The following ANK3 variants were observed in gnomAD, a reference collection of about 807,000 sequenced individuals.
The protein encoded by ANK3 is ankyrin 3.
Under a neutral mutation model 370.9 loss-of-function variants are expected in ANK3, and 57 were observed. The ratio of observed to expected loss-of-function variants is 0.15; its 90% CI spans 0.12 to 0.19. The LOEUF (loss-of-function observed/expected upper bound fraction) is 0.19, where lower values mean the gene tolerates loss of function less well. Ranked by LOEUF, ANK3 falls within the 10% of genes least tolerant of loss-of-function variation. The pLI is 1.00. For missense variants in ANK3, 4,439 were observed against 5,302.1 expected (o/e 0.84, Z 5.06); for synonymous variants, 1,929 against 1,946.3 (o/e 0.99, Z 0.23).
At chr10:60,313,567 A>G (rs1344776958) in intron 1 of ANK3, among the ~76,000 whole-genome samples, 2 of 152,088 alleles carry the variant, frequency 1.3e-5, no homozygotes, top group South Asian at 2.1e-4. Flanking sequence ...TCAGTCATCA[A>G]TCACTCTATT....
intron 1 of ANK3, among the ~76,000 whole-genome samples, chr10:60,661,917 AC>A (rs1187314693): frequency 6.6e-6 from 1 of 152,068 alleles, no homozygotes; most frequent in Admixed American, 6.6e-5. Context: ...CATCCCCCAA[AC>A]AAAGCCAGAC....
At chr10:60,179,593 G>T (rs555535862) in intron 18 of ANK3, among the ~76,000 whole-genome samples, 1 of 152,222 alleles carries the variant, frequency 6.6e-6, no homozygotes, top group East Asian at 1.9e-4. Context: ...TACTCAGGAG[G>T]CTGAGGTGGG....
At chr10:60,281,639 T>A (rs558810343) in intron 1 of ANK3, among the ~76,000 whole-genome samples, 2 of 152,202 alleles carry the variant, frequency 1.3e-5, no homozygotes, top group Non-Finnish European at 2.9e-5. Flanking sequence ...AAGTTTTTTG[T>A]GAATGAATGC....
chr10:60,457,024 G>A (rs1427663275), intron 2 of ANK3, among the ~76,000 whole-genome samples: 1 of 152,082 alleles, frequency 6.6e-6, no homozygotes, highest in Non-Finnish European at 1.5e-5. Flanking sequence ...TCAAACATTG[G>A]TGGGTCTCCA....
intron 28 of ANK3, among the ~76,000 whole-genome samples, chr10:60,099,431 A>G (rs77976178): frequency 0.011 from 1,750 of 152,294 alleles, 24 homozygotes; most frequent in African/African-American, 0.038. Context: ...ATCAAAGTTC[A>G]AAGTTGCAGT....
Position 60,196,722 on chromosome 10 carries a change from T to C in ANK3, c.1690-97A>G, listed in dbSNP as rs907345622. The C allele has an allele frequency of 4.1e-6, 3 of 736,896 alleles. No individual in the cohort carries two copies. The African/African-American group carries it at 5.4e-5, about 13-fold the overall frequency. 45.6% of individuals were successfully genotyped at this position (736,896 alleles called of 1,614,324 possible). A position where few individuals can be genotyped will look rare whatever the true frequency, so the allele number is the denominator to read the frequency against. ...CAAACAACAAACAAACAAAAAGATA[T>C]GACATAAGGGCACTGCTTTCCAGAA... On this transcript the variant is annotated intron_variant, in intron 14 of 43. Transcript: ENST00000280772.
upstream of ANK3, among the ~76,000 whole-genome samples, chr10:60,390,709 T>A (rs920221108): frequency 1.4e-5 from 2 of 142,422 alleles, no homozygotes; most frequent in African/African-American, 5.4e-5. Context: ...CTAAAACATA[T>A]GAGACCTAGT....
chr10:60,294,806 TG>T (rs1358203419), intron 1 of ANK3, among the ~76,000 whole-genome samples: 27 of 152,296 alleles, frequency 1.8e-4, no homozygotes, highest in Admixed American at 4.6e-4. Flanking sequence ...GATTTGGAAT[TG>T]GGAGGCTTAA....
At chr10:60,502,390 T>C (rs2075823466) in intron 2 of ANK3, among the ~76,000 whole-genome samples, 1 of 152,156 alleles carries the variant, frequency 6.6e-6, no homozygotes, top group Non-Finnish European at 1.5e-5. Context: ...CAGACCTGAG[T>C]TATATTCTAG....
intron 2 of ANK3, among the ~76,000 whole-genome samples, chr10:60,395,596 CTTTCTTTCTTTCTCTCTTTCGT>C (rs1468998551): frequency 1.0e-3 from 127 of 123,948 alleles, no homozygotes; most frequent in African/African-American, 4.1e-3. Context: ...TTCTTTCTTT[CTTTCTTTCTTTCTCTCTTTCGT>C]TCTCTCTCTC....
At chr10:60,296,075 C>T (rs2042434385) in intron 1 of ANK3, among the ~76,000 whole-genome samples, 1 of 152,140 alleles carries the variant, frequency 6.6e-6, no homozygotes, top group African/African-American at 2.4e-5. Flanking sequence ...GAGCAGGAAG[C>T]AAAGTCTAAA....
At position 60,114,262 on chromosome 10, in the gene ANK3, C is replaced by T; in HGVS notation, c.2911G>A (p.Asp971Asn). 2 of 1,609,312 alleles carry T rather than the reference C, an allele frequency of 1.2e-6. No homozygotes were observed. The highest frequency in any genetic ancestry group is 2.2e-5 in the South Asian group (2 of 90,252). The change falls in exon 26 of 44, where the codon GAC becomes AAC. Residue 971 changes from aspartate (D) to asparagine (N), a missense_variant. Asp to Asn is a conservative substitution (Grantham distance 23). Transcript: ENST00000280772. ...RHYSWAADTL[D>N]NVNLVSSPIH... ...GGGCTTGAAACAAGATTGACATTGT[C>T]TAAGGTGTCTGCAGCCCAGCTGTAA...
At chr10:60,363,605 C>T (rs923868833) in intron 1 of ANK3, among the ~76,000 whole-genome samples, 2 of 152,314 alleles carry the variant, frequency 1.3e-5, no homozygotes, top group East Asian at 1.9e-4. Context: ...AACACTTCTC[C>T]GACTGTGATG....
chr10:60,268,150 G>A (rs933256239), intron 5 of ANK3, among the ~76,000 whole-genome samples: 4 of 152,130 alleles, frequency 2.6e-5, no homozygotes, highest in African/African-American at 9.7e-5. Flanking sequence ...TGGGACTACC[G>A]GTGTGTGCCC....
intron 2 of ANK3, among the ~76,000 whole-genome samples, chr10:60,573,674 G>A (rs1360170354): frequency 6.6e-6 from 1 of 152,170 alleles, no homozygotes; most frequent in Non-Finnish European, 1.5e-5. Flanking sequence ...ACTATTATGA[G>A]CTGTCATTTA....
chr10:60,503,899 T>C (rs1051125564), intron 2 of ANK3, among the ~76,000 whole-genome samples: 4 of 152,174 alleles, frequency 2.6e-5, no homozygotes, highest in African/African-American at 9.6e-5. Context: ...ATATATGCGT[T>C]ATTTTTCCCA....
At chr10:60,167,606 C>T (rs556549910) in intron 21 of ANK3, among the ~76,000 whole-genome samples, 2 of 152,154 alleles carry the variant, frequency 1.3e-5, no homozygotes, top group South Asian at 2.1e-4. Context: ...CCAAAAGACA[C>T]TGTTAGCATC....
chr10:60,625,015 T>A (rs576125694), intron 1 of ANK3, among the ~76,000 whole-genome samples: 165 of 152,238 alleles, frequency 1.1e-3, no homozygotes, highest in African/African-American at 3.8e-3. Context: ...GTCTGTTCCT[T>A]TACCCTTTGG....
intron 8 of ANK3, among the ~76,000 whole-genome samples, chr10:60,226,537 C>CTATGTATATATACT (rs1286120673): frequency 4.5e-5 from 2 of 44,878 alleles, no homozygotes; most frequent in Non-Finnish European, 3.6e-5. Flanking sequence ...AGTATATATA[C>CTATGTATATATACT]ATAGTATATA....
Sources: allele counts gnomAD v4.1 joint callset (sites outside exome capture counted in the v4.1 genomes callset), GRCh38; gene constraint gnomAD v4.1.1; transcripts MANE v1.5; gene names NCBI Gene and HGNC (gene_info 2026-07-23, HGNC 2026-07-21).